Variants in CX3CL1 observed in about 807,000 individuals in gnomAD.
CX3CL1 encodes fractalkine.
In CX3CL1, 1 loss-of-function variant was observed where a neutral mutation model predicts 14.1. That is an observed-to-expected ratio of 0.07 (90% CI 0.03 to 0.34). The LOEUF (loss-of-function observed/expected upper bound fraction) is 0.34. Ranked by LOEUF, CX3CL1 falls within the 10% of genes least tolerant of loss-of-function variation. The pLI is 0.99. For missense variants in CX3CL1, 505 were observed against 536.4 expected (o/e 0.94, Z 0.58); for synonymous variants, 255 against 229.6 (o/e 1.11, Z -1.00).
chr16:57,376,440 GTGGATGGA>G (rs56202816), intron 1 of CX3CL1, among the ~76,000 whole-genome samples: 1,596 of 145,208 alleles, frequency 0.011, 41 homozygotes, highest in South Asian at 0.094. Flanking sequence ...GAATCAGGAA[GTGGATGGA>G]TGGATGGATG....
chr16:57,382,785 A>G lies in CX3CL1; in HGVS notation c.947A>G (p.His316Arg). The G allele has an allele frequency of 1.2e-6, 2 of 1,608,486 alleles. No homozygotes were observed. Among genetic ancestry groups the G allele is most frequent in the Non-Finnish European group, 1.7e-6 (2 of 1,177,828 alleles). The change falls in exon 3 of 3, where the codon CAT becomes CGT. Residue 316 changes from histidine (H) to arginine (R), a missense_variant. His to Arg is a conservative substitution (Grantham distance 29, BLOSUM62 0). Coordinates refer to ENST00000006053, the MANE Select transcript of CX3CL1 (RefSeq NM_002996.6). This position sits in a 1 kb window ranked among gnomAD's most constrained non-coding sequence, Gnocchi z 6.9. ...SWTPKAEEPI[H>R]ATMDPQRLGV... ...ACCCCTAAGGCTGAGGAACCCATCC[A>G]TGCCACCATGGACCCCCAGAGGCTG...
chr16:57,376,484 A>C (rs202239233), intron 1 of CX3CL1, among the ~76,000 whole-genome samples: 3 of 150,836 alleles, frequency 2.0e-5, no homozygotes, highest in African/African-American at 7.3e-5. Context: ...GGATGGATGG[A>C]TGGATGGGTG....
chr16:57,382,321 G>C lies in CX3CL1; in HGVS notation c.483G>C (p.Val161=). Residue 161 remains valine, a synonymous_variant, in exon 3 of 3, where the codon GTG becomes GTC. Transcript: ENST00000006053. The surrounding 1 kb of genome is among the most constrained non-coding windows in gnomAD (Gnocchi z 6.9). ...CCTCCCCAGAGCTGCCGACGGGCGT[G>C]ACTGGTTCCTCAGGGACCAGGCTCC... ...LGTSPELPTG[V]TGSSGTRLPP... is the part of the protein sequence containing the mutation. 1 of 1,605,368 alleles carries C rather than the reference G, an allele frequency of 6.2e-7. No individual in the cohort carries two copies. The highest frequency in any genetic ancestry group is 8.5e-7 in the Non-Finnish European group (1 of 1,176,424).
Position 57,383,403 on chromosome 16 carries a change from G to A in CX3CL1, c.*371G>A, listed in dbSNP as rs767116442. ...ACTACAGTCCTCCCATCTCACACATGAGCATCAGGCCAGGCCCTCTGCCCA... is the reference window on the plus strand; with the variant it reads ...ACTACAGTCCTCCCATCTCACACATAAGCATCAGGCCAGGCCCTCTGCCCA... On this transcript the variant is annotated 3_prime_UTR_variant, in exon 3 of 3. Transcript: ENST00000006053. The A allele has an allele frequency of 1.3e-4, 23 of 175,240 alleles. No homozygotes were observed. The highest frequency in any genetic ancestry group is 2.3e-4 in the Non-Finnish European group (19 of 83,554). The allele number at this position is 175,240 out of a possible 1,614,324, so 10.9% of individuals were successfully genotyped here. A position where few individuals can be genotyped will look rare whatever the true frequency, so the allele number is the denominator to read the frequency against.
At chr16:57,373,707 G>A (rs1387320986) in intron 1 of CX3CL1, among the ~76,000 whole-genome samples, 3 of 152,210 alleles carry the variant, frequency 2.0e-5, no homozygotes, top group African/African-American at 7.2e-5. Context: ...TCTGGGCTGG[G>A]GCCCTGAAGC....
rs749355287 is a variant in CX3CL1 at position 57,382,965 on chromosome 16, T to C, written c.1127T>C (p.Met376Thr). The change falls in exon 3 of 3, where the codon ATG (methionine) becomes ACG (threonine). Residue 376 changes from methionine (M) to threonine (T), a missense_variant. Physicochemically the swap from Met to Thr is moderately conservative, Grantham distance 81. Transcript: ENST00000006053. The surrounding 1 kb of genome is among the most constrained non-coding windows in gnomAD (Gnocchi z 6.9). Reference sequence around the variant, plus strand: ...TGCCCTCGAAAGATGGCAGGAGAGATGGCGGAGGGCCTTCGCTACATCCCC... The same window carrying C: ...TGCCCTCGAAAGATGGCAGGAGAGACGGCGGAGGGCCTTCGCTACATCCCC... ...QGCPRKMAGE[M>T]AEGLRYIPRS... 1 of 1,509,176 alleles carries C rather than the reference T, an allele frequency of 6.6e-7. No individual in the cohort carries two copies. Among genetic ancestry groups the C allele is most frequent in the Non-Finnish European group, 8.9e-7 (1 of 1,127,236 alleles). 93.5% of individuals were successfully genotyped at this position (1,509,176 alleles called of 1,614,324 possible). A position where few individuals can be genotyped will look rare whatever the true frequency, so the allele number is the denominator to read the frequency against.
intron 1 of CX3CL1, chr16:57,378,482 G>C (rs1436285235): frequency 1.6e-4 from 23 of 140,302 alleles, no homozygotes; most frequent in African/African-American, 6.1e-4. Context: ...TTTTTTTTTT[G>C]AGACGGAGTC....
intron 2 of CX3CL1, among the ~76,000 whole-genome samples, chr16:57,379,989 CA>C (rs1902297454): frequency 6.6e-6 from 1 of 152,188 alleles, no homozygotes; most frequent in African/African-American, 2.4e-5. Context: ...GGGTGGCAGC[CA>C]CCCTGGCTTG....
Position 57,384,102 on chromosome 16 carries a change from C to T in CX3CL1, c.*1070C>T, listed in dbSNP as rs1902378433. On this transcript the variant is annotated 3_prime_UTR_variant, in exon 3 of 3. Transcript: ENST00000006053. Reference sequence around the variant, plus strand: ...TGTCCAAGAAGCCCAGGAAAGGCTCCAGGAGCAGCCACATTCCTGATGCTT... The same window carrying T: ...TGTCCAAGAAGCCCAGGAAAGGCTCTAGGAGCAGCCACATTCCTGATGCTT... The T allele has an allele frequency of 6.6e-6, 1 of 152,242 alleles. No homozygotes were observed. Among genetic ancestry groups the T allele is most frequent in the African/African-American group, 2.4e-5 (1 of 41,442 alleles). The allele number at this position is 152,242 out of a possible 1,614,324, so 9.4% of individuals were successfully genotyped here. A position where few individuals can be genotyped will look rare whatever the true frequency, so the allele number is the denominator to read the frequency against.
chr16:57,382,432 G>C lies in CX3CL1; in HGVS notation c.594G>C (p.Gln198His). The stretch of plus-strand genomic sequence containing the variant: ...CCGTCTCCACTGCCGCCACGTGGCA[G>C]AGTTCTGCTCCCCACCAACCTGGGC... Reference protein sequence around the residue: ...VPPVSTAATWQSSAPHQPGPS... With the variant: ...VPPVSTAATWHSSAPHQPGPS... Residue 198 changes from glutamine (Q) to histidine (H), a missense_variant, in exon 3 of 3, where the codon CAG (glutamine) becomes CAC (histidine). Physicochemically the swap from Gln to His is conservative, Grantham distance 24. Transcript: ENST00000006053. This position sits in a 1 kb window ranked among gnomAD's most constrained non-coding sequence, Gnocchi z 6.9. 6.2e-7 allele frequency: 1 copy of C among 1,612,932 alleles called. No homozygotes were observed. The highest frequency in any genetic ancestry group is 8.5e-7 in the Non-Finnish European group (1 of 1,179,992).
rs374046759 is a variant in CX3CL1 at position 57,382,623 on chromosome 16, G to A, written c.785G>A (p.Arg262Gln). Residue 262 changes from arginine (R) to glutamine (Q), a missense_variant, in exon 3 of 3, where the codon CGG becomes CAG. Coordinates refer to ENST00000006053, the MANE Select transcript of CX3CL1 (RefSeq NM_002996.6). This position sits in a 1 kb window ranked among gnomAD's most constrained non-coding sequence, Gnocchi z 6.9. The stretch of plus-strand genomic sequence containing the variant: ...CCCAGGCCAGAGAACTCTCTGGAGC[G>A]GGAGGAGATGGGTCCCGTGCCAGCG... The part of the protein sequence containing the change: ...QSPRPENSLE[R>Q]EEMGPVPAHT... The A allele has an allele frequency of 3.4e-5, 55 of 1,613,732 alleles. No homozygotes were observed. The African/African-American group carries it at 4.1e-4, about 12-fold the overall frequency.
chr16:57,373,981 A>G (rs1471965212), intron 1 of CX3CL1, among the ~76,000 whole-genome samples: 1 of 152,084 alleles, frequency 6.6e-6, no homozygotes, highest in Non-Finnish European at 1.5e-5. Context: ...TAGGATGGAA[A>G]GGGGACACTG....
At chr16:57,377,086 G>A (rs72786879) in intron 1 of CX3CL1, 4,425 of 152,378 alleles carry the variant, frequency 0.029, 131 homozygotes, top group South Asian at 0.14. Context: ...GGATGACTCT[G>A]TGGCTCTTTA....
chr16:57,381,978 C>A, intron 2 of CX3CL1, 52 bp from the exon 3 acceptor site: 1 of 1,525,946 alleles, frequency 6.6e-7, no homozygotes, highest in Non-Finnish European at 8.8e-7. Context: ...CCACGCTGGC[C>A]CGGGTTTCTG....
chr16:57,382,415 A>G lies in CX3CL1; in HGVS notation c.577A>G (p.Thr193Ala), dbSNP rs200427867. The G allele has an allele frequency of 3.2e-5, 51 of 1,612,382 alleles. No homozygotes were observed. The highest frequency in any genetic ancestry group is 3.7e-5 in the Non-Finnish European group (44 of 1,179,954). The change falls in exon 3 of 3, where the codon ACT (threonine) becomes GCT (alanine). Residue 193 changes from threonine to alanine, a missense_variant. Transcript: ENST00000006053. The surrounding 1 kb of genome is among the most constrained non-coding windows in gnomAD (Gnocchi z 6.9). ...GCTTTTCCGAGTGCCTCCCGTCTCCACTGCCGCCACGTGGCAGAGTTCTGC... is the reference window on the plus strand; with the variant it reads ...GCTTTTCCGAGTGCCTCCCGTCTCCGCTGCCGCCACGTGGCAGAGTTCTGC... ...TELFRVPPVS[T>A]AATWQSSAPH...
At position 57,384,267 on chromosome 16, in the gene CX3CL1, T is replaced by A. The variant is rs919245118; in HGVS notation, c.*1235T>A. ...CACTGTTCTCTGCCCTCCAAGACCT[T>A]CTCCTTCACCTTTGTCCCCACCGCA... On this transcript the variant is annotated 3_prime_UTR_variant, in exon 3 of 3. Coordinates refer to ENST00000006053, the MANE Select transcript of CX3CL1 (RefSeq NM_002996.6). 1 of 152,314 alleles carries A rather than the reference T, an allele frequency of 6.6e-6. No individual in the cohort carries two copies. Among genetic ancestry groups the A allele is most frequent in the Admixed American group, 6.5e-5 (1 of 15,276 alleles). 9.4% of individuals were successfully genotyped at this position (152,314 alleles called of 1,614,324 possible).
Position 57,372,502 on chromosome 16 carries a change from C to T in CX3CL1, c.-67C>T. On this transcript the variant is annotated 5_prime_UTR_variant, in exon 1 of 3. Coordinates refer to ENST00000006053, the MANE Select transcript of CX3CL1 (RefSeq NM_002996.6). ...CTCTGGCGGCGGCAAGGGGACAGCA[C>T]TGAGCTCTGCCGCCTGGCTCTAGCC... 1 of 1,491,588 alleles carries T rather than the reference C, an allele frequency of 6.7e-7. No homozygotes were observed. The highest frequency in any genetic ancestry group is 1.8e-4 in the Middle Eastern group (1 of 5,602). The allele number at this position is 1,491,588 out of a possible 1,614,324, so 92.4% of individuals were successfully genotyped here.
At position 57,382,344 on chromosome 16, in the gene CX3CL1, T is replaced by TC. The variant is rs1408713344; in HGVS notation, c.512dup (p.Thr172AspfsTer41). ...GTGACTGGTTCCTCAGGGACCAGGC[T>TC]CCCCCCGACGCCAAAGGCTCAGGAT... is the stretch of plus-strand genomic sequence containing the variant. On this transcript the variant is annotated frameshift_variant, in exon 3 of 3. Coordinates refer to ENST00000006053, the MANE Select transcript of CX3CL1 (RefSeq NM_002996.6). LOFTEE classifies it low-confidence loss of function (END_TRUNC). This position sits in a 1 kb window ranked among gnomAD's most constrained non-coding sequence, Gnocchi z 6.9. 7 of 1,601,718 alleles carry TC rather than the reference T, an allele frequency of 4.4e-6. No individual in the cohort carries two copies. The highest frequency in any genetic ancestry group is 1.3e-5 in the African/African-American group (1 of 74,440).
In CX3CL1 at chr16:57,379,465, G is replaced by T. The variant is rs528511798; in HGVS notation, c.71-169G>T. On this transcript the variant is annotated intron_variant, in intron 1 of 2. Coordinates refer to ENST00000006053, the MANE Select transcript of CX3CL1 (RefSeq NM_002996.6). Reference sequence around the variant, plus strand: ...CTATTTTACAGGTGGGGAAACTGAGGCATAGAGAAGTTTGGCAGGGGAGGG... The same window carrying T: ...CTATTTTACAGGTGGGGAAACTGAGTCATAGAGAAGTTTGGCAGGGGAGGG... 119 of 630,056 alleles carry T rather than the reference G, an allele frequency of 1.9e-4. 2 individuals carry two copies. The South Asian group carries it at 2.5e-3, about 13-fold the overall frequency. 39.0% of individuals were successfully genotyped at this position (630,056 alleles called of 1,614,324 possible).
Sources: allele counts gnomAD v4.1 joint callset (sites outside exome capture counted in the v4.1 genomes callset), GRCh38; gene constraint gnomAD v4.1.1; non-coding constraint Gnocchi (gnomAD v3.1); transcripts MANE v1.5; gene names NCBI Gene and HGNC (gene_info 2026-07-23, HGNC 2026-07-21).